Variants in PARM1 observed in about 807,000 individuals in gnomAD.
PARM1 encodes WSC4, cell wall integrity and stress response component 4 homolog.
PARM1 carries 14 observed loss-of-function variants against 24.6 expected under a neutral mutation model. The observed-to-expected ratio is 0.57, with a 90% CI of 0.38 to 0.89. The LOEUF is 0.89. Among genes scored for constraint, PARM1 ranks in the 40% least tolerant of loss-of-function variants. PARM1 has a pLI of 0.00. For synonymous variants in PARM1, 179 were observed against 156.6 expected (o/e 1.14, Z -1.07); for missense variants, 362 against 380.4 (o/e 0.95, Z 0.40).
intron 1 of PARM1, chr4:74,970,218 G>A (rs748064372): frequency 2.0e-5 from 3 of 152,204 alleles, no homozygotes; most frequent in African/African-American, 4.8e-5. Flanking sequence ...CAGTATCTCA[G>A]GTTTCCTGGG....
Position 74,984,704 on chromosome 4 carries a change from G to A in PARM1, c.44-27721G>A, listed in dbSNP as rs536543348. On this transcript the variant is annotated intron_variant, in intron 1 of 3. Coordinates refer to ENST00000307428, the MANE Select transcript of PARM1 (RefSeq NM_015393.4). ...AAATGTCATTAACATAGCGTAGACT[G>A]TTTTAAGTGTTTTACATGGATATCA... Among the ~76,000 whole-genome samples, 5 of 152,338 alleles carry A rather than the reference G, an allele frequency of 3.3e-5. No individual in the cohort carries two copies. The South Asian group carries it at 1.0e-3, about 32-fold the overall frequency.
chr4:75,042,968 A>G (rs1723527247), intron 3 of PARM1, among the ~76,000 whole-genome samples: 1 of 152,096 alleles, frequency 6.6e-6, no homozygotes, highest in Non-Finnish European at 1.5e-5. Flanking sequence ...AAACAAAGTA[A>G]AGGCCAATCT....
At chr4:75,025,231 G>A (rs987518735) in intron 2 of PARM1, among the ~76,000 whole-genome samples, 2 of 152,134 alleles carry the variant, frequency 1.3e-5, no homozygotes, top group Non-Finnish European at 2.9e-5. Context: ...CTGGCCTCTG[G>A]TGTTCCTCAT....
intron 3 of PARM1, among the ~76,000 whole-genome samples, chr4:75,037,978 G>A (rs895169655): frequency 2.6e-5 from 4 of 151,948 alleles, no homozygotes; most frequent in South Asian, 2.1e-4. Flanking sequence ...GTGCAGTGGC[G>A]TGATCTCGGC....
chr4:74,976,569 C>G (rs960367269), intron 1 of PARM1, among the ~76,000 whole-genome samples: 4 of 152,206 alleles, frequency 2.6e-5, no homozygotes, highest in Admixed American at 2.6e-4. Context: ...AGGACTTCCC[C>G]CAGTGCAGGG....
At chr4:75,041,624 C>A (rs1236939185) in intron 3 of PARM1, among the ~76,000 whole-genome samples, 1 of 152,156 alleles carries the variant, frequency 6.6e-6, no homozygotes, top group Non-Finnish European at 1.5e-5. Context: ...AATAGAGTTT[C>A]ATTAAGTATT....
chr4:75,006,604 C>T (rs542492769), intron 1 of PARM1, among the ~76,000 whole-genome samples: 35 of 152,246 alleles, frequency 2.3e-4, no homozygotes, highest in African/African-American at 8.4e-4. Context: ...AATAAATATA[C>T]ATGTGCATGT....
chr4:74,955,638 G>A (rs1721615536), intron 1 of PARM1, among the ~76,000 whole-genome samples: 2 of 152,134 alleles, frequency 1.3e-5, no homozygotes, highest in Admixed American at 1.3e-4. Context: ...AGGATATCTA[G>A]TACTGGCTTT....
chr4:74,933,432 G>A (rs1215065522), intron 1 of PARM1, 62 bp downstream of exon 1: 1 of 1,457,188 alleles, frequency 6.9e-7, no homozygotes, highest in Non-Finnish European at 9.6e-7. Context: ...GCTAGCGCGT[G>A]GTCGGGGCTG....
In PARM1 at chr4:75,049,574, A is replaced by G. The variant is rs1723676980; in HGVS notation, c.*3327A>G. 6.6e-6 allele frequency: 1 copy of G among 152,604 alleles called. No individual in the cohort carries two copies. Among genetic ancestry groups the G allele is most frequent in the Non-Finnish European group, 1.5e-5 (1 of 68,042 alleles). The allele number at this position is 152,604 out of a possible 1,614,324, so 9.5% of individuals were successfully genotyped here. A position where few individuals can be genotyped will look rare whatever the true frequency, so the allele number is the denominator to read the frequency against. On this transcript the variant is annotated 3_prime_UTR_variant, in exon 4 of 4. Coordinates refer to ENST00000307428, the MANE Select transcript of PARM1 (RefSeq NM_015393.4). The stretch of plus-strand genomic sequence containing the variant: ...ATGGTTTCCATTTCTAGATGAAAGG[A>G]TGGCCTAGGACATAGGTCTCAAAGA...
chr4:74,942,922 G>A (rs762203085), intron 1 of PARM1, among the ~76,000 whole-genome samples: 4 of 152,106 alleles, frequency 2.6e-5, no homozygotes, highest in Non-Finnish European at 4.4e-5. Context: ...CAAGACCTCC[G>A]TGAGCTGGGG....
intron 1 of PARM1, among the ~76,000 whole-genome samples, chr4:74,933,836 G>T (rs570263216): frequency 6.9e-4 from 105 of 152,280 alleles, no homozygotes; most frequent in African/African-American, 2.3e-3. Context: ...CGCGCCTGGC[G>T]GGGCTGGTTT....
intron 1 of PARM1, among the ~76,000 whole-genome samples, chr4:74,949,887 C>A (rs1721491073): frequency 6.8e-6 from 1 of 146,446 alleles, no homozygotes; most frequent in East Asian, 2.0e-4. Context: ...AAAAGAGTGA[C>A]AAAGAAAGGA....
intron 1 of PARM1, among the ~76,000 whole-genome samples, chr4:74,983,822 C>T (rs1270299825): frequency 6.6e-6 from 1 of 152,122 alleles, no homozygotes; most frequent in Non-Finnish European, 1.5e-5. Flanking sequence ...TTCTTGTTGT[C>T]TTTATTCTTT....
At chr4:74,974,566 C>T (rs552690768) in intron 1 of PARM1, among the ~76,000 whole-genome samples, 3 of 152,190 alleles carry the variant, frequency 2.0e-5, no homozygotes, top group Admixed American at 1.3e-4. Flanking sequence ...TGGTTTGTTA[C>T]CATAGAATGT....
chr4:75,024,255 CA>C (rs369591905), intron 2 of PARM1, among the ~76,000 whole-genome samples: 418 of 134,524 alleles, frequency 3.1e-3, no homozygotes, highest in Middle Eastern at 4.1e-3. Context: ...GAGACTCTGT[CA>C]AAAAAAAAAA....
chr4:75,042,465 C>T (rs533929422), intron 3 of PARM1, among the ~76,000 whole-genome samples: 14 of 152,288 alleles, frequency 9.2e-5, no homozygotes, highest in African/African-American at 2.2e-4. Context: ...GCAAAGAGAC[C>T]TTGGTTTCAT....
rs1321120448 is a variant in PARM1, at chr4:75,049,037, C to G, written c.*2790C>G. ...CCAGGTCTGCCTAAAGGAAATGGCTCCAGTGGGTCTAAACAACCACATCCT... is the reference window on the plus strand; with the variant it reads ...CCAGGTCTGCCTAAAGGAAATGGCTGCAGTGGGTCTAAACAACCACATCCT... On this transcript the variant is annotated 3_prime_UTR_variant, in exon 4 of 4. Coordinates refer to ENST00000307428, the MANE Select transcript of PARM1 (RefSeq NM_015393.4). 2 of 152,414 alleles carry G rather than the reference C, an allele frequency of 1.3e-5. No individual in the cohort carries two copies. The highest frequency in any genetic ancestry group is 4.8e-5 in the African/African-American group (2 of 41,424). The allele number at this position is 152,414 out of a possible 1,614,324, so 9.4% of individuals were successfully genotyped here.
chr4:75,003,256 A>G (rs1004787087), intron 1 of PARM1, among the ~76,000 whole-genome samples: 2 of 151,854 alleles, frequency 1.3e-5, no homozygotes, highest in African/African-American at 2.4e-5. Context: ...TGTGACCACT[A>G]TAGTCCCTCC....
Sources: allele counts gnomAD v4.1 joint callset (sites outside exome capture counted in the v4.1 genomes callset), GRCh38; gene constraint gnomAD v4.1.1; transcripts MANE v1.5; gene names NCBI Gene and HGNC (gene_info 2026-07-23, HGNC 2026-07-21).